Variants in TG observed in about 807,000 individuals in gnomAD.
The protein encoded by TG is thyroglobulin.
In TG, 270 loss-of-function variants were observed where a neutral mutation model predicts 324.7. That is an observed-to-expected ratio of 0.83 (90% confidence interval 0.75 to 0.92). The LOEUF is 0.92. Ranked by LOEUF, TG falls within the 40% of genes least tolerant of loss-of-function variation. TG has a pLI of 0.00. For synonymous variants in TG, 1,401 were observed against 1,327.0 expected, an observed-to-expected ratio of 1.06 and a Z score of -1.21; for missense variants, 3,591 against 3,456.4, an observed-to-expected ratio of 1.04 and a Z score of -0.98.
At chr8:132,926,496 G>A (rs548934366) in intron 22 of TG, among the ~76,000 whole-genome samples, 1 of 152,258 alleles carries the variant, frequency 6.6e-6, no homozygotes, top group South Asian at 2.1e-4. Context: ...TGTTCCTTTG[G>A]GGCTAGAATT....
At chr8:132,898,946 T>C (rs1477176306) in intron 14 of TG, 36 bp downstream of exon 14, 5 of 1,538,216 alleles carry the variant, frequency 3.3e-6, no homozygotes, top group Non-Finnish European at 4.5e-6. Context: ...GAGCCGGGAC[T>C]TGTCCCCGCT....
chr8:132,944,801 A>G (rs1824992382), intron 26 of TG, among the ~76,000 whole-genome samples: 5 of 152,260 alleles, frequency 3.3e-5, no homozygotes, highest in Admixed American at 3.3e-4. Flanking sequence ...ATTCAGAGAG[A>G]TAAATTAAGA....
chr8:132,869,884 G>C, intron 3 of TG, 58 bp downstream of exon 3: 2 of 1,518,668 alleles, frequency 1.3e-6, no homozygotes, highest in Non-Finnish European at 1.8e-6. Flanking sequence ...CTCACTTCCA[G>C]GAATGAGCAC....
chr8:132,946,274 C>T (rs1421846035), intron 26 of TG, among the ~76,000 whole-genome samples: 8 of 151,946 alleles, frequency 5.3e-5, no homozygotes, highest in Non-Finnish European at 8.8e-5. Flanking sequence ...TGTTTTTGTT[C>T]CATGGAGTGG....
chr8:132,873,310 G>A lies in TG; in HGVS notation c.638+89G>A, dbSNP rs192525906. ...AGCTGGGGGCCTCCATGTGTCATAT[G>A]TGCAGCATGATAAGGAATTAAGAGC... On this transcript the variant is annotated intron_variant, in intron 5 of 47. Transcript: ENST00000220616. 415 of 1,488,164 alleles carry A rather than the reference G, an allele frequency of 2.8e-4. 2 individuals are homozygous for A. In the African/African-American group the frequency reaches 5.1e-3, roughly 18 times the overall value. 92.2% of individuals were successfully genotyped at this position (1,488,164 alleles called of 1,614,324 possible).
intron 16 of TG, among the ~76,000 whole-genome samples, chr8:132,904,392 C>T (rs972317816): frequency 2.0e-5 from 3 of 152,176 alleles, no homozygotes; most frequent in Non-Finnish European, 4.4e-5. Context: ...TAAGAATCCC[C>T]GTGGTATAAT....
At chr8:133,051,626 G>A (rs1425758265) in intron 41 of TG, among the ~76,000 whole-genome samples, 1 of 152,212 alleles carries the variant, frequency 6.6e-6, no homozygotes, top group East Asian at 1.9e-4. Flanking sequence ...TTCTGGTGAA[G>A]TTTTGAAAAG....
chr8:132,888,790 CT>C lies in TG; in HGVS notation c.2761+225del, dbSNP rs1475939265. On this transcript the variant is annotated intron_variant, in intron 10 of 47. Transcript: ENST00000220616. ...AAGATTGATAGAGTATATTTTAAAA[CT>C]TTCATATAATTGATTACTTCAATCA... 2.0e-5 allele frequency among the ~76,000 whole-genome samples: 3 copies of C among 152,286 alleles called. No individual in the cohort carries two copies. In the East Asian group the frequency reaches 5.8e-4, roughly 29 times the overall value.
chr8:132,873,767 T>G (rs1839714611), intron 5 of TG, among the ~76,000 whole-genome samples: 1 of 152,182 alleles, frequency 6.6e-6, no homozygotes, highest in African/African-American at 2.4e-5. Context: ...ACTATATTAT[T>G]ATGCAGGTCT....
intron 41 of TG, among the ~76,000 whole-genome samples, chr8:133,074,019 C>T (rs556512167): frequency 1.3e-5 from 2 of 152,276 alleles, no homozygotes; most frequent in Admixed American, 6.5e-5. Flanking sequence ...CAAATGAGGA[C>T]ATTCTGAGGC....
rs753843881 is a variant in TG at position 132,888,053 on chromosome 8, C to G, written c.2246C>G (p.Ser749Cys). ...LRTVQALLSNSSMLPTLSDTY... is the reference protein window; with the variant it reads ...LRTVQALLSNCSMLPTLSDTY... ...ACGGTGCAGGCCCTGCTCTCTAACT[C>G]CAGCATGCTACCCACCCTTTCCGAC... Residue 749 changes from serine to cysteine, a missense_variant, in exon 10 of 48, where the codon TCC becomes TGC. Transcript: ENST00000220616. 4.4e-5 allele frequency: 71 copies of G among 1,614,078 alleles called. No individual in the cohort carries two copies. The highest frequency in any genetic ancestry group is 5.4e-5 in the Non-Finnish European group (64 of 1,180,050).
chr8:133,085,649 C>A (rs1386895896), intron 41 of TG, among the ~76,000 whole-genome samples: 1 of 152,088 alleles, frequency 6.6e-6, no homozygotes, highest in African/African-American at 2.4e-5. Flanking sequence ...GAAAATTAAA[C>A]CCATAATGAG....
intron 43 of TG, chr8:133,106,463 C>G: frequency 1.0e-6 from 1 of 985,228 alleles, no homozygotes; most frequent in South Asian, 4.7e-5. Context: ...CCGCCTGAAG[C>G]AAAAAAGCAA....
At chr8:132,878,793 G>A (rs1361221254) in intron 5 of TG, among the ~76,000 whole-genome samples, 1 of 151,972 alleles carries the variant, frequency 6.6e-6, no homozygotes, top group Non-Finnish European at 1.5e-5. Flanking sequence ...GCATGCAAAC[G>A]ACCCTTCTAG....
chr8:133,115,353 G>A (rs1365362866), intron 44 of TG, among the ~76,000 whole-genome samples: 1 of 152,174 alleles, frequency 6.6e-6, no homozygotes, highest in Non-Finnish European at 1.5e-5. Context: ...AGGCCTGCCA[G>A]TGCGTGATGC....
Position 132,908,203 on chromosome 8 carries a change from A to G in TG, c.3865A>G (p.Thr1289Ala), listed in dbSNP as rs1818960053. The G allele has an allele frequency of 6.2e-7, 1 of 1,614,006 alleles. No homozygotes were observed. The highest frequency in any genetic ancestry group is 8.5e-7 in the Non-Finnish European group (1 of 1,180,014). The change falls in exon 18 of 48, where the codon ACC becomes GCC. Residue 1289 changes from threonine (T) to alanine (A), a missense_variant. Physicochemically the swap from Thr to Ala is moderately conservative, Grantham distance 58 (BLOSUM62 0). Transcript: ENST00000220616. Reference protein sequence around the residue: ...RACQRPQLWQTIQTQGHFQLQ... With the variant: ...RACQRPQLWQAIQTQGHFQLQ... Reference sequence around the variant, plus strand: ...GCCTGCAGGGCCCCAGCTGTGGCAGACCATCCAGACCCAAGGGCACTTTCA... The same window carrying G: ...GCCTGCAGGGCCCCAGCTGTGGCAGGCCATCCAGACCCAAGGGCACTTTCA...
rs775938055 is a variant in TG at position 133,134,819 on chromosome 8, C to A, written c.*25C>A. ...ACCAGCCCTTGAGCTCCCCAAAAAC[C>A]TCACCCGAGGCTGCCCACTATGGTC... On this transcript the variant is annotated 3_prime_UTR_variant, in exon 48 of 48. Transcript: ENST00000220616. 3 of 1,596,664 alleles carry A rather than the reference C, an allele frequency of 1.9e-6. No individual in the cohort carries two copies. In the African/African-American group the frequency reaches 4.0e-5, roughly 21 times the overall value.
chr8:133,040,095 G>A, intron 41 of TG: 1 of 1,569,094 alleles, frequency 6.4e-7, no homozygotes, highest in Non-Finnish European at 8.6e-7. Context: ...GTCAGGCAGG[G>A]CGTGGTGAGC....
chr8:132,932,126 G>T (rs533102038), intron 23 of TG, among the ~76,000 whole-genome samples: 15 of 151,548 alleles, frequency 9.9e-5, no homozygotes, highest in African/African-American at 2.7e-4. Flanking sequence ...TATTTTTTTG[G>T]GGGGGGTGTT....
Sources: gnomAD v4.1 joint callset for allele counts (sites outside exome capture counted in the v4.1 genomes callset) on GRCh38, gnomAD v4.1.1 for gene constraint, MANE v1.5 for transcripts, NCBI Gene and HGNC (gene_info 2026-07-23, HGNC 2026-07-21) for gene names.